BPNT1: variants seen among roughly 807,000 people sequenced by gnomAD.
BPNT1 encodes the protein 3'(2'), 5'-bisphosphate nucleotidase 1, also known as 3'(2'),5'-bisphosphate nucleotidase 1.
In BPNT1, 28 loss-of-function variants were observed where a neutral mutation model predicts 36.9. The ratio of observed to expected loss-of-function variants is 0.76; its 90% confidence interval spans 0.56 to 1.04. BPNT1 has a LOEUF of 1.04. BPNT1 is among the 50% of genes least tolerant of loss of function. BPNT1 has a pLI of 0.00. For synonymous variants in BPNT1, 119 were observed against 130.9 expected (o/e 0.91, Z 0.62); for missense variants, 313 against 372.9 (o/e 0.84, Z 1.32).
At position 220,062,829 on chromosome 1, in the gene BPNT1, G is replaced by A; in HGVS notation, c.600C>T (p.Asn200=). ...CAGCAACACAGTCAGTAACCAACTT[G>A]TTGCTATGGGATCGAGTAGTTGTGA... The part of the protein sequence containing the change: ...HIITTTRSHS[N]KLVTDCVAAM... The change falls in exon 7 of 9, where the codon AAC becomes AAT. Residue 200 remains asparagine (N), a synonymous_variant. Coordinates refer to ENST00000322067, the MANE Select transcript of BPNT1 (RefSeq NM_006085.6). 1.9e-6 allele frequency: 3 copies of A among 1,614,122 alleles called. No individual in the cohort carries two copies. The highest frequency in any genetic ancestry group is 2.5e-6 in the Non-Finnish European group (3 of 1,180,024).
chr1:220,080,298 A>T (rs746009817), intron 1 of BPNT1, among the ~76,000 whole-genome samples: 1 of 152,198 alleles, frequency 6.6e-6, no homozygotes, highest in Non-Finnish European at 1.5e-5. Flanking sequence ...GCGCCAAAAG[A>T]GGTATGAATA....
intron 1 of BPNT1, among the ~76,000 whole-genome samples, chr1:220,085,113 A>C (rs113974468): frequency 4.0e-4 from 61 of 152,284 alleles, no homozygotes; most frequent in African/African-American, 1.5e-3. Context: ...ATATTATCAA[A>C]ACAAAAAATC....
At chr1:220,062,277 A>C (rs796929378) in intron 7 of BPNT1, among the ~76,000 whole-genome samples, 1 of 142,516 alleles carries the variant, frequency 7.0e-6, no homozygotes, top group Non-Finnish European at 1.5e-5. Context: ...ATATCTCCCA[A>C]TGCTATCCCT....
intron 1 of BPNT1, among the ~76,000 whole-genome samples, chr1:220,081,860 C>G (rs1655157213): frequency 6.6e-6 from 1 of 151,934 alleles, no homozygotes; most frequent in South Asian, 2.1e-4. Context: ...TGCATCACAG[C>G]CCAAGATACC....
At chr1:220,077,744 A>G (rs138515982) in intron 2 of BPNT1, among the ~76,000 whole-genome samples, 231 of 152,326 alleles carry the variant, frequency 1.5e-3, no homozygotes, top group African/African-American at 5.2e-3. Context: ...AGATAGATAT[A>G]TCACTCATAA....
intron 6 of BPNT1, chr1:220,065,999 C>A: frequency 8.7e-7 from 1 of 1,149,752 alleles, no homozygotes; most frequent in South Asian, 1.6e-5. Context: ...GTACAATGAC[C>A]ACCTGGGGTA....
chr1:220,076,160 A>G (rs983549583), intron 2 of BPNT1, among the ~76,000 whole-genome samples: 3 of 152,110 alleles, frequency 2.0e-5, no homozygotes, highest in African/African-American at 7.2e-5. Flanking sequence ...CAAGGTCAGG[A>G]GTTCGAGACC....
chr1:220,075,352 AGAAT>A (rs1432668865), intron 2 of BPNT1, among the ~76,000 whole-genome samples: 1 of 152,162 alleles, frequency 6.6e-6, no homozygotes, highest in Non-Finnish European at 1.5e-5. Flanking sequence ...TCATCTTAGT[AGAAT>A]TTTAACAATA....
At position 220,075,355 on chromosome 1, in the gene BPNT1, A is replaced by T. The variant is rs569913162; in HGVS notation, c.121-1284T>A. Among the ~76,000 whole-genome samples the T allele has an allele frequency of 3.3e-5, 5 of 152,264 alleles. No homozygotes were observed. In the East Asian group the frequency reaches 9.6e-4, roughly 29 times the overall value. ...GTGCACCCAGCCTCATCTTAGTAGAATTTTAACAATACTTTGCAATGAGAT... is the reference window on the plus strand; with the variant it reads ...GTGCACCCAGCCTCATCTTAGTAGATTTTTAACAATACTTTGCAATGAGAT... On this transcript the variant is annotated intron_variant, in intron 2 of 8. Coordinates refer to ENST00000322067, the MANE Select transcript of BPNT1 (RefSeq NM_006085.6).
Position 220,059,689 on chromosome 1 carries a change from C to T in BPNT1, c.775G>A (p.Gly259Arg), listed in dbSNP as rs1455676521. The T allele has an allele frequency of 1.9e-6, 3 of 1,603,888 alleles. No homozygotes were observed. Among genetic ancestry groups the T allele is most frequent in the Non-Finnish European group, 2.6e-6 (3 of 1,175,572 alleles). ...TCCTCAAATAAAACAGACTAACCTC[C>T]CACAGCATGTAAAATAACTTCTGGA... Reference protein sequence around the residue: ...CAPEVILHAVGGKLTDIHGNV... With the variant: ...CAPEVILHAVRGKLTDIHGNV... The change falls in exon 8 of 9, where the codon GGA becomes AGA. Residue 259 changes from glycine to arginine, a missense_variant. Coordinates refer to ENST00000322067, the MANE Select transcript of BPNT1 (RefSeq NM_006085.6).
At chr1:220,066,036 C>T in intron 6 of BPNT1, 1 of 1,483,614 alleles carries the variant, frequency 6.7e-7, no homozygotes, top group Non-Finnish European at 9.0e-7. Flanking sequence ...TCTTTTCTAC[C>T]TACTAGTGGA....
At chr1:220,088,478 C>CAAAAA (rs58383315) in intron 1 of BPNT1, among the ~76,000 whole-genome samples, 7 of 65,518 alleles carry the variant, frequency 1.1e-4, no homozygotes, top group East Asian at 4.6e-4. Flanking sequence ...GACTCCGACT[C>CAAAAA]AAAAAAAAAA....
Position 220,057,563 on chromosome 1 carries a change from T to G in BPNT1, c.*1281A>C. On this transcript the variant is annotated 3_prime_UTR_variant, in exon 9 of 9. Coordinates refer to ENST00000322067, the MANE Select transcript of BPNT1 (RefSeq NM_006085.6). ...AAATCTAGGTATATTAGCAGAATAA[T>G]TTTAATAGTTTATGTTATAATCTCT... 2 of 183,196 alleles carry G rather than the reference T, an allele frequency of 1.1e-5. No individual in the cohort carries two copies. The allele number at this position is 183,196 out of a possible 1,614,324, so 11.3% of individuals were successfully genotyped here. A position where few individuals can be genotyped will look rare whatever the true frequency, so the allele number is the denominator to read the frequency against.
At chr1:220,074,503 G>GTT (rs369572621) in intron 2 of BPNT1, among the ~76,000 whole-genome samples, 9 of 146,926 alleles carry the variant, frequency 6.1e-5, no homozygotes, top group Middle Eastern at 3.5e-3. Context: ...AATCCTATTT[G>GTT]TTTTTTTTTT....
intron 7 of BPNT1, among the ~76,000 whole-genome samples, chr1:220,060,936 T>C (rs1662970438): frequency 6.6e-6 from 1 of 152,162 alleles, no homozygotes; most frequent in African/African-American, 2.4e-5. Context: ...TGATTGACAA[T>C]TGATTGGGTT....
At chr1:220,079,887 T>TAG in intron 1 of BPNT1, 33 bp from the exon 2 acceptor site, 5 of 1,595,246 alleles carry the variant, frequency 3.1e-6, no homozygotes, top group Non-Finnish European at 4.3e-6. Flanking sequence ...GTCTTGTTAG[T>TAG]TTCAAAGCCA....
intron 4 of BPNT1, among the ~76,000 whole-genome samples, chr1:220,072,008 C>T (rs1003847145): frequency 8.5e-5 from 13 of 152,078 alleles, no homozygotes; most frequent in African/African-American, 3.1e-4. Context: ...CATCTATGGC[C>T]TGCTGATTTT....
At chr1:220,081,203 G>A (rs1655084336) in intron 1 of BPNT1, among the ~76,000 whole-genome samples, 1 of 152,158 alleles carries the variant, frequency 6.6e-6, no homozygotes, top group Admixed American at 6.5e-5. Context: ...CAAGTGCTGG[G>A]ATTACAGGCG....
At position 220,063,167 on chromosome 1, in the gene BPNT1, T is replaced by G. The variant is rs968850012; in HGVS notation, c.475-213A>C. Among the ~76,000 whole-genome samples the G allele has an allele frequency of 2.0e-5, 3 of 152,018 alleles. No homozygotes were observed. In the South Asian group the frequency reaches 6.2e-4, roughly 32 times the overall value. On this transcript the variant is annotated intron_variant, in intron 6 of 8. Coordinates refer to ENST00000322067, the MANE Select transcript of BPNT1 (RefSeq NM_006085.6). ...ATCTAAACCATCCTGGCTAACACGG[T>G]GAAACCCCGTCTCTAATAAAAATAC...
Sources: allele counts gnomAD v4.1 joint callset (sites outside exome capture counted in the v4.1 genomes callset), GRCh38; gene constraint gnomAD v4.1.1; transcripts MANE v1.5; gene names NCBI Gene and HGNC (gene_info 2026-07-23, HGNC 2026-07-21).